The following ST18 variants were observed in gnomAD, a reference collection of about 807,000 sequenced individuals.
ST18 encodes suppression of tumorigenicity 18 protein.
A neutral mutation model predicts 110.0 loss-of-function variants in ST18; 50 were observed. That is an observed-to-expected ratio of 0.45 (90% CI 0.36 to 0.58). ST18 has a LOEUF of 0.58. Among genes scored for constraint, ST18 ranks in the 20% least tolerant of loss-of-function variants. ST18 has a pLI of 0.00. For missense variants in ST18, 1,306 were observed against 1,280.1 expected (o/e 1.02, Z -0.31); for synonymous variants, 461 against 452.4 (o/e 1.02, Z -0.24).
chr8:52,345,038 T>C (rs2140250026), intron 2 of ST18, among the ~76,000 whole-genome samples: 1 of 152,196 alleles, frequency 6.6e-6, no homozygotes, highest in East Asian at 1.9e-4. Context: ...GCTTGGCTGA[T>C]ACGTTAGGCT....
chr8:52,333,260 T>A (rs72642773), intron 2 of ST18, among the ~76,000 whole-genome samples: 57 of 151,332 alleles, frequency 3.8e-4, no homozygotes, highest in Non-Finnish European at 6.6e-4. Context: ...CTTCTATAAC[T>A]AATCATTCTA....
chr8:52,185,703 G>A (rs774956218), intron 8 of ST18, among the ~76,000 whole-genome samples: 60 of 152,248 alleles, frequency 3.9e-4, no homozygotes, highest in African/African-American at 1.4e-3. Flanking sequence ...AACAGTGCTC[G>A]ATTAATTGGA....
intron 22 of ST18, among the ~76,000 whole-genome samples, chr8:52,130,243 GA>G (rs2049033695): frequency 6.6e-6 from 1 of 152,108 alleles, no homozygotes; most frequent in South Asian, 2.1e-4. Context: ...TTGTTATTAT[GA>G]AATACATAAT....
In ST18 at chr8:52,211,371, T is replaced by C. The variant is rs543242887; in HGVS notation, c.86+708A>G. ...TTAAAAAATTAGTTACCTGATGGAA[T>C]CATCTAATTATTATTATTATTATTA... On this transcript the variant is annotated intron_variant, in intron 8 of 25. Coordinates refer to ENST00000689386, the MANE Select transcript of ST18 (RefSeq NM_001352837.2). Among the ~76,000 whole-genome samples, 168 of 140,636 alleles carry C rather than the reference T, an allele frequency of 1.2e-3. 2 individuals are homozygous for C. The highest frequency in any genetic ancestry group is 4.1e-3 in the African/African-American group (158 of 38,668). The allele number at this position is 140,636 out of a possible 152,430, so 92.3% of individuals were successfully genotyped here. A position where few individuals can be genotyped will look rare whatever the true frequency, so the allele number is the denominator to read the frequency against.
At chr8:52,362,067 A>G (rs1825964381) in intron 2 of ST18, among the ~76,000 whole-genome samples, 1 of 152,168 alleles carries the variant, frequency 6.6e-6, no homozygotes, top group Admixed American at 6.5e-5. Context: ...TAATTTATCA[A>G]AAGAGGGGGT....
At chr8:52,114,603 A>G (rs1404357401) in intron 25 of ST18, among the ~76,000 whole-genome samples, 1 of 152,176 alleles carries the variant, frequency 6.6e-6, no homozygotes, top group African/African-American at 2.4e-5. Flanking sequence ...GTATTGTCCA[A>G]TCATGATTCT....
intron 8 of ST18, among the ~76,000 whole-genome samples, chr8:52,195,586 T>G (rs1335095830): frequency 1.3e-5 from 2 of 152,166 alleles, no homozygotes; most frequent in Non-Finnish European, 2.9e-5. Context: ...TAAAATAATC[T>G]TAAAAAAACT....
chr8:52,329,521 G>C (rs58993111), intron 2 of ST18, among the ~76,000 whole-genome samples: 1 of 152,106 alleles, frequency 6.6e-6, no homozygotes, highest in East Asian at 1.9e-4. Context: ...TTGGGAGACC[G>C]AGGCAGGTGG....
At chr8:52,150,835 C>G (rs2058632751) in intron 15 of ST18, 1 of 152,196 alleles carries the variant, frequency 6.6e-6, no homozygotes, top group Admixed American at 6.5e-5. Context: ...TCGGGAGGAA[C>G]AGTACCCCAT....
intron 19 of ST18, among the ~76,000 whole-genome samples, chr8:52,134,428 C>T (rs1419992583): frequency 6.6e-6 from 1 of 152,212 alleles, no homozygotes; most frequent in African/African-American, 2.4e-5. Context: ...TAGAGGCCAT[C>T]ACAAAATACT....
At chr8:52,264,500 A>T (rs774410204) in intron 2 of ST18, among the ~76,000 whole-genome samples, 16 of 152,192 alleles carry the variant, frequency 1.1e-4, no homozygotes, top group Admixed American at 7.2e-4. Flanking sequence ...GCTCATTTAG[A>T]AAAAGAGAAA....
At chr8:52,218,157 T>A (rs1251957020) in intron 5 of ST18, among the ~76,000 whole-genome samples, 1 of 152,090 alleles carries the variant, frequency 6.6e-6, no homozygotes, top group Admixed American at 6.6e-5. Flanking sequence ...TTGGCTATGT[T>A]GAGGTTTTGT....
chr8:52,322,540 G>A (rs1804425677), intron 2 of ST18, among the ~76,000 whole-genome samples: 1 of 151,980 alleles, frequency 6.6e-6, no homozygotes, highest in South Asian at 2.1e-4. Flanking sequence ...ACATAATGTG[G>A]TTATTTCCTG....
chr8:52,225,782 T>C (rs930861795), intron 3 of ST18, among the ~76,000 whole-genome samples: 8 of 152,244 alleles, frequency 5.3e-5, no homozygotes, highest in Admixed American at 4.6e-4. Context: ...TAATATTTCC[T>C]GGTAATGAAG....
intron 2 of ST18, among the ~76,000 whole-genome samples, chr8:52,364,545 T>A (rs1827063979): frequency 6.6e-6 from 1 of 152,234 alleles, no homozygotes; most frequent in South Asian, 2.1e-4. Flanking sequence ...AATAACAGAT[T>A]AATTTATGTG....
chr8:52,275,204 A>C (rs1172229879), intron 2 of ST18, among the ~76,000 whole-genome samples: 2 of 152,224 alleles, frequency 1.3e-5, no homozygotes, highest in African/African-American at 4.8e-5. Context: ...AAAAACTAAA[A>C]ATAAACCTTA....
intron 2 of ST18, among the ~76,000 whole-genome samples, chr8:52,338,813 C>T: frequency 6.6e-6 from 1 of 152,028 alleles, no homozygotes; most frequent in Non-Finnish European, 1.5e-5. Context: ...TCACAGCCCA[C>T]TACAGCCTCA....
At chr8:52,191,653 G>T (rs1286077277) in intron 8 of ST18, among the ~76,000 whole-genome samples, 1 of 152,190 alleles carries the variant, frequency 6.6e-6, no homozygotes, top group African/African-American at 2.4e-5. Flanking sequence ...GTGTGAAGTT[G>T]GTCAGCAGGT....
rs929326456 is a variant in ST18 at position 52,218,513 on chromosome 8, G to A, written c.-156-612C>T. ...AGCGGTTCTCCTGCCTCAGCTTCCCGAGTAGCTGGGATTACAGGTATGTGT... is the reference window on the plus strand; with the variant it reads ...AGCGGTTCTCCTGCCTCAGCTTCCCAAGTAGCTGGGATTACAGGTATGTGT... On this transcript the variant is annotated intron_variant, in intron 5 of 25. Transcript: ENST00000689386. Among the ~76,000 whole-genome samples, 5 of 149,256 alleles carry A rather than the reference G, an allele frequency of 3.3e-5. No individual in the cohort carries two copies. The East Asian group carries it at 5.9e-4, about 18-fold the overall frequency.
Sources: allele counts gnomAD v4.1 joint callset (sites outside exome capture counted in the v4.1 genomes callset), GRCh38; gene constraint gnomAD v4.1.1; transcripts MANE v1.5; gene names NCBI Gene and HGNC (gene_info 2026-07-23, HGNC 2026-07-21).